Variants in CAMK1D observed in about 807,000 individuals in gnomAD.
The protein encoded by CAMK1D is calcium/calmodulin-dependent protein kinase type 1D.
A neutral mutation model predicts 47.7 loss-of-function variants in CAMK1D; 9 were observed. The observed-to-expected ratio is 0.19, with a 90% CI of 0.11 to 0.33. The LOEUF (loss-of-function observed/expected upper bound fraction) is 0.33. CAMK1D is among the 10% of genes least tolerant of loss of function. The pLI is 1.00. For synonymous variants in CAMK1D, 184 were observed against 184.9 expected (o/e 0.99, Z 0.04); for missense variants, 291 against 488.7 (o/e 0.60, Z 3.81).
At chr10:12,505,371 A>G (rs1374788781) in intron 1 of CAMK1D, among the ~76,000 whole-genome samples, 1 of 152,248 alleles carries the variant, frequency 6.6e-6, no homozygotes, top group African/African-American at 2.4e-5. Context: ...AGTGTTGGAT[A>G]GGAATATAGA....
chr10:12,742,905 T>C (rs1835496971), intron 3 of CAMK1D, among the ~76,000 whole-genome samples: 2 of 152,176 alleles, frequency 1.3e-5, no homozygotes, highest in South Asian at 4.1e-4. Context: ...AGACGGGGAC[T>C]GTTTAAACAC....
chr10:12,446,951 A>G (rs1001731318), intron 1 of CAMK1D, among the ~76,000 whole-genome samples: 4 of 152,220 alleles, frequency 2.6e-5, no homozygotes, highest in African/African-American at 9.6e-5. Flanking sequence ...ATTTTGGAAT[A>G]GAACTAGGGA....
At chr10:12,408,157 C>G (rs922027454) in intron 1 of CAMK1D, among the ~76,000 whole-genome samples, 1 of 146,362 alleles carries the variant, frequency 6.8e-6, no homozygotes, top group African/African-American at 2.5e-5. Context: ...CGCGCCTGGC[C>G]TCTTTCATTT....
chr10:12,660,024 C>G (rs1473955564), intron 2 of CAMK1D, among the ~76,000 whole-genome samples: 7 of 152,200 alleles, frequency 4.6e-5, no homozygotes, highest in African/African-American at 1.7e-4. Flanking sequence ...TCTTGTCTCT[C>G]CCTTCCGATT....
At chr10:12,613,090 G>A (rs1289201480) in intron 2 of CAMK1D, among the ~76,000 whole-genome samples, 2 of 152,168 alleles carry the variant, frequency 1.3e-5, no homozygotes, top group Non-Finnish European at 2.9e-5. Context: ...TTTCCCTACA[G>A]TTGAGGGCTA....
chr10:12,665,131 G>A (rs1441586818), intron 2 of CAMK1D, among the ~76,000 whole-genome samples: 1 of 152,144 alleles, frequency 6.6e-6, no homozygotes, highest in Non-Finnish European at 1.5e-5. Context: ...AGACCACGTA[G>A]AAACTATGGC....
At chr10:12,684,870 C>T (rs904933202) in intron 3 of CAMK1D, among the ~76,000 whole-genome samples, 3 of 151,964 alleles carry the variant, frequency 2.0e-5, no homozygotes, top group African/African-American at 7.3e-5. Flanking sequence ...AACAGGCAAA[C>T]ATTTATCCAG....
intron 1 of CAMK1D, among the ~76,000 whole-genome samples, chr10:12,526,412 C>G (rs535745253): frequency 2.6e-5 from 4 of 152,284 alleles, no homozygotes; most frequent in African/African-American, 4.8e-5. Flanking sequence ...CTGATGCATA[C>G]ACAGATTTAT....
In CAMK1D at chr10:12,661,006, T is replaced by C. The variant is rs142299447; in HGVS notation, c.225-5730T>C. 2.0e-5 allele frequency among the ~76,000 whole-genome samples: 3 copies of C among 152,344 alleles called. No individual in the cohort carries two copies. In the East Asian group the frequency reaches 5.8e-4, roughly 29 times the overall value. On this transcript the variant is annotated intron_variant, in intron 2 of 10. Coordinates refer to ENST00000619168, the MANE Select transcript of CAMK1D (RefSeq NM_153498.4). ...CTTTTCTCTGTTCAGTTGATTCTCT[T>C]TTTTGATGACACTAGCAGATATGGG...
chr10:12,572,140 G>T (rs1461181331), intron 2 of CAMK1D, among the ~76,000 whole-genome samples: 2 of 151,580 alleles, frequency 1.3e-5, no homozygotes, highest in Admixed American at 1.3e-4. Context: ...GATGGGAAGT[G>T]GAAGACTCTT....
At chr10:12,532,557 G>C (rs553521120) in intron 1 of CAMK1D, among the ~76,000 whole-genome samples, 3 of 152,324 alleles carry the variant, frequency 2.0e-5, no homozygotes, top group South Asian at 2.1e-4. Context: ...GGGATTACAG[G>C]CGTGAGCCAC....
intron 3 of CAMK1D, among the ~76,000 whole-genome samples, chr10:12,731,937 G>A (rs1390513450): frequency 5.3e-5 from 8 of 152,002 alleles, no homozygotes; most frequent in African/African-American, 1.9e-4. Context: ...GGACTGAATT[G>A]GACTCCATTC....
At chr10:12,593,680 G>GAATT in intron 2 of CAMK1D, among the ~76,000 whole-genome samples, 1 of 151,858 alleles carries the variant, frequency 6.6e-6, no homozygotes, top group East Asian at 1.9e-4. Context: ...AAAGCTATTG[G>GAATT]AATTTTTTTT....
Position 12,494,101 on chromosome 10 carries a change from G to T in CAMK1D, c.93-59124G>T, listed in dbSNP as rs116027914. Among the ~76,000 whole-genome samples, 598 of 152,286 alleles carry T rather than the reference G, an allele frequency of 3.9e-3. 4 individuals carry two copies. Among genetic ancestry groups the T allele is most frequent in the African/African-American group, 0.014 (582 of 41,538 alleles). On this transcript the variant is annotated intron_variant, in intron 1 of 10. Coordinates refer to ENST00000619168, the MANE Select transcript of CAMK1D (RefSeq NM_153498.4). ...TGGAGGGGGAAATTCTGAGCCTGCC[G>T]TGGTTCCCAAAGGAGTCATGAAAAG...
At chr10:12,486,360 G>T (rs1053721936) in intron 1 of CAMK1D, among the ~76,000 whole-genome samples, 7 of 152,216 alleles carry the variant, frequency 4.6e-5, no homozygotes, top group African/African-American at 1.7e-4. Flanking sequence ...GGGTTTCACT[G>T]TGTTAGCCAG....
intron 1 of CAMK1D, among the ~76,000 whole-genome samples, chr10:12,373,024 C>T (rs906599879): frequency 1.1e-4 from 17 of 152,186 alleles, no homozygotes; most frequent in Non-Finnish European, 2.1e-4. Context: ...ACCCACTTCC[C>T]GGGTGGCCAC....
intron 3 of CAMK1D, among the ~76,000 whole-genome samples, chr10:12,684,424 T>C (rs1832571675): frequency 6.6e-6 from 1 of 152,066 alleles, no homozygotes; most frequent in African/African-American, 2.4e-5. Context: ...GCCAAGTCGT[T>C]TGGAAGAACA....
chr10:12,495,842 T>C (rs952581312), intron 1 of CAMK1D, among the ~76,000 whole-genome samples: 3 of 152,194 alleles, frequency 2.0e-5, no homozygotes, highest in African/African-American at 7.2e-5. Context: ...TTTTTTTTCT[T>C]CTTGAGACAG....
chr10:12,376,635 G>A (rs1045365077), intron 1 of CAMK1D, among the ~76,000 whole-genome samples: 1 of 152,206 alleles, frequency 6.6e-6, no homozygotes, highest in East Asian at 1.9e-4. Flanking sequence ...CCTGGAACTG[G>A]AAATCATATT....
Sources: allele counts gnomAD v4.1 joint callset (sites outside exome capture counted in the v4.1 genomes callset), GRCh38; gene constraint gnomAD v4.1.1; transcripts MANE v1.5; gene names NCBI Gene and HGNC (gene_info 2026-07-23, HGNC 2026-07-21).